Variants in RAB27B observed in about 807,000 individuals in gnomAD.
RAB27B encodes the protein ras-related protein Rab-27B.
Under a neutral mutation model 24.6 loss-of-function variants are expected in RAB27B, and 15 were observed. The observed-to-expected ratio is 0.61, with a 90% CI of 0.41 to 0.94. RAB27B has a LOEUF of 0.94. Ranked by LOEUF, RAB27B falls within the 40% of genes least tolerant of loss-of-function variation. The pLI, the probability that RAB27B is intolerant of heterozygous loss-of-function variation, is 0.00. For missense variants in RAB27B, 261 were observed against 266.8 expected (o/e 0.98, Z 0.15); for synonymous variants, 105 against 92.5 (o/e 1.14, Z -0.78).
At chr18:54,758,760 G>A (rs758611313) in intron 2 of RAB27B, among the ~76,000 whole-genome samples, 3 of 152,054 alleles carry the variant, frequency 2.0e-5, no homozygotes, top group Non-Finnish European at 4.4e-5. Context: ...GAAGGCATTC[G>A]ATGGTGATTC....
intron 1 of RAB27B, among the ~76,000 whole-genome samples, chr18:54,866,370 A>G (rs1912227096): frequency 6.6e-6 from 1 of 151,046 alleles, no homozygotes; most frequent in South Asian, 2.1e-4. Flanking sequence ...ATATCTTCTC[A>G]CCGCAACCTC....
chr18:54,728,375 C>T lies in RAB27B; in HGVS notation c.-20+10234C>T, dbSNP rs1022860912. Among the ~76,000 whole-genome samples the T allele has an allele frequency of 2.0e-5, 3 of 152,280 alleles. No individual in the cohort carries two copies. In the South Asian group the frequency reaches 6.2e-4, roughly 32 times the overall value. On this transcript the variant is annotated intron_variant, in intron 2 of 4. Coordinates refer to the RAB27B transcript ENST00000586570. ...TTTTGTTATCTTTTACTCTTGCCCCCCTCAGCTAGAAAGACAATCTCAGAC... is the reference window on the plus strand; with the variant it reads ...TTTTGTTATCTTTTACTCTTGCCCCTCTCAGCTAGAAAGACAATCTCAGAC...
At chr18:54,740,101 T>C (rs1380577248) in intron 2 of RAB27B, among the ~76,000 whole-genome samples, 1 of 152,206 alleles carries the variant, frequency 6.6e-6, no homozygotes, top group African/African-American at 2.4e-5. Context: ...TTATTGTCTT[T>C]TATGGTTTGT....
At chr18:54,874,888 A>G (rs1392848868) in intron 1 of RAB27B, among the ~76,000 whole-genome samples, 1 of 152,224 alleles carries the variant, frequency 6.6e-6, no homozygotes, top group East Asian at 1.9e-4. Flanking sequence ...GGAAAAAGGT[A>G]GAGTGATGGT....
intron 2 of RAB27B, among the ~76,000 whole-genome samples, chr18:54,743,895 G>C (rs187905478): frequency 6.6e-6 from 1 of 152,298 alleles, no homozygotes. Context: ...GACCGTAAGG[G>C]AGGTGGGGAG....
chr18:54,758,984 T>C (rs1485371769), intron 2 of RAB27B, among the ~76,000 whole-genome samples: 1 of 152,218 alleles, frequency 6.6e-6, no homozygotes, highest in Non-Finnish European at 1.5e-5. Context: ...CAACCCCAAT[T>C]TCTATTATTA....
chr18:54,877,675 A>G lies in RAB27B; in HGVS notation c.90A>G (p.Thr30=). 1 of 1,597,582 alleles carries G rather than the reference A, an allele frequency of 6.3e-7. No individual in the cohort carries two copies. The highest frequency in any genetic ancestry group is 2.3e-5 in the East Asian group (1 of 44,364). ...VGKTTFLYRY[T]DNKFNPKFIT... ...AGACAACATTTCTTTATAGATACACAGATAATAAATTCAATCCCAAATTCA... is the reference window on the plus strand; with the variant it reads ...AGACAACATTTCTTTATAGATACACGGATAATAAATTCAATCCCAAATTCA... The change falls in exon 2 of 6, where the codon ACA becomes ACG. Residue 30 remains threonine (T), a synonymous_variant. Transcript: ENST00000262094.
intron 2 of RAB27B, among the ~76,000 whole-genome samples, chr18:54,811,287 G>A (rs1489237768): frequency 6.6e-6 from 1 of 152,114 alleles, no homozygotes; most frequent in African/African-American, 2.4e-5. Context: ...AGCCTCAGGA[G>A]GTTCTGATGA....
intron 2 of RAB27B, among the ~76,000 whole-genome samples, chr18:54,796,711 G>T (rs995245537): frequency 6.6e-6 from 1 of 152,188 alleles, no homozygotes; most frequent in African/African-American, 2.4e-5. Flanking sequence ...ATGGACACAG[G>T]ATATGAGGGC....
intron 1 of RAB27B, among the ~76,000 whole-genome samples, chr18:54,864,046 A>G (rs1343851188): frequency 6.6e-6 from 1 of 152,168 alleles, no homozygotes; most frequent in Non-Finnish European, 1.5e-5. Context: ...GAATTATTGG[A>G]TCATGCATTA....
At chr18:54,783,099 A>G (rs751217296) in intron 2 of RAB27B, among the ~76,000 whole-genome samples, 18 of 152,066 alleles carry the variant, frequency 1.2e-4, no homozygotes, top group Non-Finnish European at 2.5e-4. Context: ...CTGGGATTAC[A>G]GGCATGCACC....
intron 2 of RAB27B, among the ~76,000 whole-genome samples, chr18:54,754,979 GGAT>G (rs1248818890): frequency 6.6e-6 from 1 of 152,156 alleles, no homozygotes; most frequent in African/African-American, 2.4e-5. Flanking sequence ...ATTGCTATTA[GGAT>G]GATGATTTAT....
intron 2 of RAB27B, among the ~76,000 whole-genome samples, chr18:54,806,979 T>G (rs1209582830): frequency 1.3e-5 from 2 of 152,174 alleles, no homozygotes; most frequent in East Asian, 3.9e-4. Flanking sequence ...CAATCTTGGC[T>G]CACTGCAACC....
chr18:54,757,998 A>G (rs1351173485), intron 2 of RAB27B, among the ~76,000 whole-genome samples: 1 of 151,942 alleles, frequency 6.6e-6, no homozygotes. Context: ...TTTGAGATGG[A>G]GTTTCACTCT....
chr18:54,881,487 C>T (rs1012835937), intron 3 of RAB27B, among the ~76,000 whole-genome samples: 1 of 152,050 alleles, frequency 6.6e-6, no homozygotes, highest in African/African-American at 2.4e-5. Context: ...TTCCAGTCGG[C>T]CATATCGGTT....
chr18:54,864,013 T>C (rs1342616473), intron 1 of RAB27B, among the ~76,000 whole-genome samples: 1 of 152,212 alleles, frequency 6.6e-6, no homozygotes, highest in Non-Finnish European at 1.5e-5. Context: ...TTTTCATTTC[T>C]TTTGTGTCTA....
At chr18:54,869,558 T>C (rs1047209585) in intron 1 of RAB27B, among the ~76,000 whole-genome samples, 2 of 152,176 alleles carry the variant, frequency 1.3e-5, no homozygotes, top group African/African-American at 4.8e-5. Flanking sequence ...ACTGGAGAAG[T>C]GCAAGAACTC....
At position 54,889,438 on chromosome 18, in the gene RAB27B, A is replaced by C. The variant is rs1913280087; in HGVS notation, c.*25A>C. On this transcript the variant is annotated 3_prime_UTR_variant, in exon 6 of 6. Coordinates refer to ENST00000262094, the MANE Select transcript of RAB27B (RefSeq NM_004163.4). Reference sequence around the variant, plus strand: ...GACTCTACATAGAAACTGAACATCAAGAACCCCACCAAAATATTACTTTTA... The same window carrying C: ...GACTCTACATAGAAACTGAACATCACGAACCCCACCAAAATATTACTTTTA... The C allele has an allele frequency of 6.4e-7, 1 of 1,574,284 alleles. No homozygotes were observed. Among genetic ancestry groups the C allele is most frequent in the African/African-American group, 1.4e-5 (1 of 73,010 alleles).
chr18:54,747,944 C>G (rs1441380343), intron 2 of RAB27B, among the ~76,000 whole-genome samples: 1 of 151,798 alleles, frequency 6.6e-6, no homozygotes, highest in African/African-American at 2.4e-5. Flanking sequence ...CCCATCTTTG[C>G]AAAAAATACA....
Sources: gnomAD v4.1 joint callset for allele counts (sites outside exome capture counted in the v4.1 genomes callset) on GRCh38, gnomAD v4.1.1 for gene constraint, MANE v1.5 for transcripts, NCBI Gene and HGNC (gene_info 2026-07-23, HGNC 2026-07-21) for gene names.